FAF1: variants seen among roughly 807,000 people sequenced by gnomAD.
The protein encoded by FAF1 is Fas associated factor 1.
In FAF1, 25 loss-of-function variants were observed where a neutral mutation model predicts 92.5. The observed-to-expected ratio is 0.27, with a 90% CI of 0.20 to 0.38. The LOEUF (loss-of-function observed/expected upper bound fraction) is 0.38, where lower values mean the gene tolerates loss of function less well. Ranked by LOEUF, FAF1 falls within the 10% of genes least tolerant of loss-of-function variation. The probability of loss-of-function intolerance (pLI) is 1.00; values close to 1 mark genes in which losing one functional copy is unlikely to be tolerated. For synonymous variants in FAF1, 234 were observed against 273.2 expected (o/e 0.86, Z 1.42); for missense variants, 636 against 793.3 (o/e 0.80, Z 2.38).
chr1:50,489,062 T>C (rs1399897677), intron 17 of FAF1, among the ~76,000 whole-genome samples: 4 of 152,256 alleles, frequency 2.6e-5, no homozygotes, highest in Non-Finnish European at 5.9e-5. Context: ...TGTCTGATTA[T>C]CTCAGCTGTA....
At chr1:50,861,293 G>A (rs1018131395) in intron 1 of FAF1, among the ~76,000 whole-genome samples, 12 of 151,790 alleles carry the variant, frequency 7.9e-5, no homozygotes, top group African/African-American at 2.9e-4. Flanking sequence ...ATCCTCCTAT[G>A]GTGACATCCT....
intron 2 of FAF1, among the ~76,000 whole-genome samples, chr1:50,851,332 C>A (rs867341713): frequency 6.6e-6 from 1 of 152,150 alleles, no homozygotes; most frequent in African/African-American, 2.4e-5. Flanking sequence ...ATTGGCTTCC[C>A]AAAGTGCTGG....
At chr1:50,735,547 C>T (rs933448879) in intron 6 of FAF1, among the ~76,000 whole-genome samples, 3 of 152,116 alleles carry the variant, frequency 2.0e-5, no homozygotes, top group African/African-American at 7.2e-5. Flanking sequence ...AATACAAAGA[C>T]TCAATTACCA....
At chr1:50,886,647 C>T (rs1473213005) in intron 1 of FAF1, among the ~76,000 whole-genome samples, 2 of 151,906 alleles carry the variant, frequency 1.3e-5, no homozygotes, top group Non-Finnish European at 2.9e-5. Context: ...TTTCTCCTTG[C>T]AATAGTTTGC....
chr1:50,929,248 A>G (rs1645030773), intron 1 of FAF1, among the ~76,000 whole-genome samples: 1 of 152,286 alleles, frequency 6.6e-6, no homozygotes, highest in South Asian at 2.1e-4. Context: ...ATTAAAACAG[A>G]AAGTTCTTTC....
In FAF1 at chr1:50,442,546, T is replaced by C. The variant is rs369448455; in HGVS notation, c.1870-1023A>G. Among the ~76,000 whole-genome samples, 57 of 152,304 alleles carry C rather than the reference T, an allele frequency of 3.7e-4. 4 individuals carry two copies. Among genetic ancestry groups the C allele is most frequent in the African/African-American group, 1.3e-3 (54 of 41,572 alleles). Reference sequence around the variant, plus strand: ...TAAAGATGGTGGACACACAGATAAATGGGCAACTCCAAGTGTGTGATGGGA... The same window carrying C: ...TAAAGATGGTGGACACACAGATAAACGGGCAACTCCAAGTGTGTGATGGGA... On this transcript the variant is annotated intron_variant, in intron 18 of 18. Transcript: ENST00000396153.
intron 1 of FAF1, among the ~76,000 whole-genome samples, chr1:50,957,798 T>C (rs1645281258): frequency 6.6e-6 from 1 of 152,124 alleles, no homozygotes; most frequent in Non-Finnish European, 1.5e-5. Flanking sequence ...AGAAAGCAGA[T>C]GCAAGTTATT....
intron 8 of FAF1, among the ~76,000 whole-genome samples, chr1:50,655,214 G>A (rs1462992650): frequency 6.6e-6 from 1 of 152,112 alleles, no homozygotes; most frequent in Non-Finnish European, 1.5e-5. Flanking sequence ...TAGAGATGGG[G>A]TTTCACCATG....
intron 4 of FAF1, among the ~76,000 whole-genome samples, chr1:50,766,215 C>T (rs1295920307): frequency 1.3e-5 from 2 of 152,140 alleles, no homozygotes; most frequent in African/African-American, 4.8e-5. Flanking sequence ...TTCTCAAGCA[C>T]AATTATCAAA....
chr1:50,813,985 T>C (rs1218429252), intron 2 of FAF1, among the ~76,000 whole-genome samples: 4 of 150,420 alleles, frequency 2.7e-5, no homozygotes, highest in Non-Finnish European at 6.0e-5. Context: ...ATATACTATG[T>C]TTTTTACCTA....
At chr1:50,796,821 AT>A (rs1204171040) in intron 3 of FAF1, among the ~76,000 whole-genome samples, 1 of 151,924 alleles carries the variant, frequency 6.6e-6, no homozygotes, top group African/African-American at 2.4e-5. Flanking sequence ...CCTATATAAA[AT>A]TCCCTCTGGT....
rs184174753 is a variant in FAF1 at position 50,683,162 on chromosome 1, A to T, written c.657+22624T>A. On this transcript the variant is annotated intron_variant, in intron 7 of 18. Coordinates refer to ENST00000396153, the MANE Select transcript of FAF1 (RefSeq NM_007051.3). The stretch of plus-strand genomic sequence containing the variant: ...AGGATGGTTAGAAAAACAGTATTTT[A>T]AAAAAAAACATATATACATCATGGT... Among the ~76,000 whole-genome samples, 476 of 151,860 alleles carry T rather than the reference A, an allele frequency of 3.1e-3. 4 individuals are homozygous for T. The highest frequency in any genetic ancestry group is 0.011 in the African/African-American group (451 of 41,436).
intron 7 of FAF1, among the ~76,000 whole-genome samples, chr1:50,656,345 A>C (rs1442301034): frequency 7.2e-6 from 1 of 138,306 alleles, no homozygotes; most frequent in Non-Finnish European, 1.6e-5. Flanking sequence ...ACCACCGACC[A>C]AAAAAAAAAA....
chr1:50,692,210 AC>A lies in FAF1; in HGVS notation c.657+13575del, dbSNP rs200868274. On this transcript the variant is annotated intron_variant, in intron 7 of 18. Transcript: ENST00000396153. ...CAGACTGGGTAAGAAAACAACAACAACCCCCACATATCCAGCACTTGAAGTA... is the reference window on the plus strand; with the variant it reads ...CAGACTGGGTAAGAAAACAACAACAACCCCACATATCCAGCACTTGAAGTA... Among the ~76,000 whole-genome samples, 579 of 135,674 alleles carry A rather than the reference AC, an allele frequency of 4.3e-3. 16 individuals are homozygous for A. The highest frequency in any genetic ancestry group is 0.031 in the Admixed American group (406 of 13,126). The allele number at this position is 135,674 out of a possible 152,430, so 89.0% of individuals were successfully genotyped here.
At chr1:50,664,543 C>A (rs1345911826) in intron 7 of FAF1, among the ~76,000 whole-genome samples, 1 of 147,970 alleles carries the variant, frequency 6.8e-6, no homozygotes, top group Non-Finnish European at 1.5e-5. Flanking sequence ...GTAATCCCAG[C>A]ACGCTGGGAG....
Position 50,935,748 on chromosome 1 carries a change from G to A in FAF1, c.45+24019C>T, listed in dbSNP as rs1435452628. ...CAGCCTCCCAAAGTGCTGGGATTAC[G>A]GGCATGAGCTACTACGTCCAGCCAG... On this transcript the variant is annotated intron_variant, in intron 1 of 18. Transcript: ENST00000396153. Among the ~76,000 whole-genome samples, 8 of 152,076 alleles carry A rather than the reference G, an allele frequency of 5.3e-5. No homozygotes were observed. In the East Asian group the frequency reaches 5.8e-4, roughly 11 times the overall value.
intron 2 of FAF1, among the ~76,000 whole-genome samples, chr1:50,848,636 T>C (rs780908699): frequency 5.9e-5 from 9 of 152,186 alleles, no homozygotes; most frequent in Non-Finnish European, 1.3e-4. Flanking sequence ...TAATAACACA[T>C]ATTGACATCA....
intron 1 of FAF1, among the ~76,000 whole-genome samples, chr1:50,907,033 T>G (rs1644844742): frequency 6.6e-6 from 1 of 152,192 alleles, no homozygotes; most frequent in African/African-American, 2.4e-5. Context: ...AAATAGCTCT[T>G]ATTATCTTGA....
chr1:50,831,330 C>T (rs893016333), intron 2 of FAF1, among the ~76,000 whole-genome samples: 24 of 152,132 alleles, frequency 1.6e-4, no homozygotes, highest in Non-Finnish European at 3.4e-4. Context: ...AGCAAATTCC[C>T]TGTCTTTCCT....
Sources: gnomAD v4.1 joint callset for allele counts (sites outside exome capture counted in the v4.1 genomes callset) on GRCh38, gnomAD v4.1.1 for gene constraint, MANE v1.5 for transcripts, NCBI Gene and HGNC (gene_info 2026-07-23, HGNC 2026-07-21) for gene names.